Variants in CCDC191 observed in about 807,000 individuals in gnomAD.
CCDC191 encodes coiled-coil domain containing 191, also known as coiled-coil domain-containing protein 191.
A neutral mutation model predicts 114.0 loss-of-function variants in CCDC191; 99 were observed. The ratio of observed to expected loss-of-function variants is 0.87; its 90% CI spans 0.74 to 1.03. CCDC191 has a LOEUF of 1.03. CCDC191 is among the 50% of genes least tolerant of loss of function. CCDC191 has a pLI of 0.00. For synonymous variants in CCDC191, 351 were observed against 376.0 expected, an observed-to-expected ratio of 0.93 and a Z score of 0.77; for missense variants, 973 against 1,087.0, an observed-to-expected ratio of 0.90 and a Z score of 1.47.
rs760347994 is a variant in CCDC191, at chr3:114,036,742, G to T, written c.460C>A (p.Gln154Lys). 1.0e-5 allele frequency: 16 copies of T among 1,588,572 alleles called. No individual in the cohort carries two copies. In the East Asian group the frequency reaches 3.2e-4, roughly 32 times the overall value. Residue 154 changes from glutamine to lysine, a missense_variant, in exon 5 of 17, where the codon CAA becomes AAA. By Grantham distance (53) the Gln-to-Lys change is moderately conservative (BLOSUM62 1). Transcript: ENST00000295878. ...TGGAGCAGATGGTCTATAAATTTTTGAACGGTGGTACTTTCCTCTTCTTCC... is the reference window on the plus strand; with the variant it reads ...TGGAGCAGATGGTCTATAAATTTTTTAACGGTGGTACTTTCCTCTTCTTCC... ...LEEEEESTTV[Q>K]KFIDHLLHKN...
intron 1 of CCDC191, 108 bp downstream of exon 1, chr3:114,056,269 T>A: frequency 9.6e-7 from 1 of 1,037,372 alleles, no homozygotes. Flanking sequence ...CAGGGGCGTG[T>A]CAGCTCAGGA....
chr3:114,028,517 C>T (rs1321823465), intron 7 of CCDC191, among the ~76,000 whole-genome samples: 1 of 151,840 alleles, frequency 6.6e-6, no homozygotes, highest in Non-Finnish European at 1.5e-5. Context: ...GATCTCCTGA[C>T]CTCGTGATCC....
chr3:114,046,839 C>T, intron 2 of CCDC191, 107 bp from the exon 3 acceptor site: 3 of 1,401,848 alleles, frequency 2.1e-6, no homozygotes, highest in Non-Finnish European at 2.8e-6. Context: ...TACTAAGATT[C>T]GTTCATTTTT....
intron 16 of CCDC191, among the ~76,000 whole-genome samples, chr3:113,977,529 CTG>C (rs3214994): frequency 0.21 from 32,288 of 152,048 alleles, 4,098 homozygotes; most frequent in Middle Eastern, 0.34. Context: ...TAAAACATAA[CTG>C]TATTTTAAAT....
chr3:114,013,413 T>C (rs139243754), intron 8 of CCDC191, among the ~76,000 whole-genome samples: 4 of 152,180 alleles, frequency 2.6e-5, no homozygotes, highest in African/African-American at 9.7e-5. Flanking sequence ...CAATGTTGCA[T>C]ATAAGCCAAT....
chr3:114,048,705 CCTT>C (rs2076662482), intron 2 of CCDC191, among the ~76,000 whole-genome samples: 1 of 152,188 alleles, frequency 6.6e-6, no homozygotes, highest in Non-Finnish European at 1.5e-5. Flanking sequence ...CTCCAGCTCT[CCTT>C]CTCCCCGTCC....
intron 4 of CCDC191, among the ~76,000 whole-genome samples, chr3:114,038,283 CAT>C (rs2076513730): frequency 6.6e-6 from 1 of 152,152 alleles, no homozygotes; most frequent in Non-Finnish European, 1.5e-5. Flanking sequence ...TAACTACAGT[CAT>C]GTGTCAAATA....
At chr3:114,041,731 CACCA>C (rs2076563978) in intron 4 of CCDC191, among the ~76,000 whole-genome samples, 3 of 152,058 alleles carry the variant, frequency 2.0e-5, no homozygotes, top group Non-Finnish European at 4.4e-5. Context: ...CAGGTGAATT[CACCA>C]AGGGTATCTG....
intron 2 of CCDC191, among the ~76,000 whole-genome samples, chr3:114,047,762 G>A (rs2107758127): frequency 6.6e-6 from 1 of 151,980 alleles, no homozygotes; most frequent in Non-Finnish European, 1.5e-5. Context: ...ATCACTTGAG[G>A]TCGGGAGTTC....
At chr3:114,036,927 C>T in intron 4 of CCDC191, 141 bp from the exon 5 acceptor site, 1 of 474,938 alleles carries the variant, frequency 2.1e-6, no homozygotes, top group South Asian at 5.6e-5. Context: ...ATAATGGCAA[C>T]TGATTGAGTA....
chr3:113,989,803 C>G (rs1158436260), intron 13 of CCDC191, among the ~76,000 whole-genome samples: 1 of 151,942 alleles, frequency 6.6e-6, no homozygotes, highest in African/African-American at 2.4e-5. Context: ...CTGGACAACA[C>G]AGTGAGACCC....
intron 4 of CCDC191, among the ~76,000 whole-genome samples, chr3:114,039,974 G>C (rs2076539145): frequency 6.6e-6 from 1 of 152,074 alleles, no homozygotes; most frequent in South Asian, 2.1e-4. Flanking sequence ...ATATCCTAGG[G>C]CTTCACATTT....
intron 16 of CCDC191, among the ~76,000 whole-genome samples, chr3:113,974,920 G>A (rs1423534684): frequency 6.6e-6 from 1 of 152,014 alleles, no homozygotes; most frequent in African/African-American, 2.4e-5. Context: ...TGAGCACCAG[G>A]GGCCATGTTA....
At position 113,965,121 on chromosome 3, in the gene CCDC191, G is replaced by T; in HGVS notation, c.*34C>A. On this transcript the variant is annotated 3_prime_UTR_variant, in exon 17 of 17. Transcript: ENST00000295878. ...GAGATAACACACATACAGACTAGTCGAGCTTCCTGTCCTAAATATTACACT... is the reference window on the plus strand; with the variant it reads ...GAGATAACACACATACAGACTAGTCTAGCTTCCTGTCCTAAATATTACACT... 3 of 1,414,518 alleles carry T rather than the reference G, an allele frequency of 2.1e-6. No individual in the cohort carries two copies. The highest frequency in any genetic ancestry group is 2.9e-6 in the Non-Finnish European group (3 of 1,034,240). 87.6% of individuals were successfully genotyped at this position (1,414,518 alleles called of 1,614,324 possible).
At chr3:114,004,781 C>A in intron 10 of CCDC191, 35 bp from the exon 11 acceptor site, 1 of 1,592,888 alleles carries the variant, frequency 6.3e-7, no homozygotes, top group South Asian at 1.1e-5. Flanking sequence ...ATTTAGACTA[C>A]TAACCAGTTT....
intron 16 of CCDC191, among the ~76,000 whole-genome samples, chr3:113,971,185 G>T (rs1940787382): frequency 6.6e-6 from 1 of 152,208 alleles, no homozygotes; most frequent in Non-Finnish European, 1.5e-5. Context: ...CCCACCAACA[G>T]TGTAAAAGTG....
chr3:114,021,503 A>T (rs190603584), intron 7 of CCDC191, among the ~76,000 whole-genome samples: 13 of 152,222 alleles, frequency 8.5e-5, no homozygotes, highest in Admixed American at 2.6e-4. Context: ...GTTATTCTTG[A>T]TTCATAGCAA....
chr3:114,002,879 G>A (rs1467992243), intron 11 of CCDC191: 1 of 979,854 alleles, frequency 1.0e-6, no homozygotes. Flanking sequence ...TTGATTATAT[G>A]TTTGATGAAT....
At chr3:114,000,129 T>C (rs537610646) in intron 13 of CCDC191, among the ~76,000 whole-genome samples, 36 of 151,804 alleles carry the variant, frequency 2.4e-4, no homozygotes, top group Non-Finnish European at 5.0e-4. Flanking sequence ...GATTAAACAT[T>C]ATTTTTGGAT....
Sources: allele counts gnomAD v4.1 joint callset (sites outside exome capture counted in the v4.1 genomes callset), GRCh38; gene constraint gnomAD v4.1.1; transcripts MANE v1.5; gene names NCBI Gene and HGNC (gene_info 2026-07-23, HGNC 2026-07-21).